The following URI1 variants were observed in gnomAD, a reference collection of about 807,000 sequenced individuals.
URI1 encodes unconventional prefoldin RPB5 interactor 1.
URI1 carries 39 observed loss-of-function variants against 60.2 expected under a neutral mutation model. The observed-to-expected ratio is 0.65, with a 90% confidence interval of 0.50 to 0.85. The LOEUF (loss-of-function observed/expected upper bound fraction) is 0.85, where lower values mean the gene tolerates loss of function less well. Ranked by LOEUF, URI1 falls within the 40% of genes least tolerant of loss-of-function variation. The pLI is 0.00. For missense variants in URI1, 691 were observed against 665.9 expected, an observed-to-expected ratio of 1.04 and a Z score of -0.42; for synonymous variants, 251 against 236.8, an observed-to-expected ratio of 1.06 and a Z score of -0.55.
chr19:29,935,636 T>C (rs1295751831), intron 1 of URI1, among the ~76,000 whole-genome samples: 2 of 151,750 alleles, frequency 1.3e-5, no homozygotes, highest in Non-Finnish European at 2.9e-5. Flanking sequence ...TATCTGAAAA[T>C]GTCTTAATTT....
upstream of URI1, chr19:29,937,824 T>G (rs532621110): frequency 6.6e-6 from 1 of 152,302 alleles, no homozygotes; most frequent in South Asian, 2.1e-4. Context: ...AGGGTCATCT[T>G]GCCCACCTTG....
upstream of URI1, chr19:29,942,126 C>A (rs1462682277): frequency 2.2e-5 from 17 of 784,238 alleles, no homozygotes; most frequent in Non-Finnish European, 2.6e-5. Flanking sequence ...CCGCCAGCCC[C>A]AGCCACGCGG....
At chr19:30,005,226 A>G in intron 4 of URI1, 135 bp from the exon 5 acceptor site, 1 of 555,784 alleles carries the variant, frequency 1.8e-6, no homozygotes. Flanking sequence ...GTCCATTTAA[A>G]AGGAAAATAG....
intron 7 of URI1, among the ~76,000 whole-genome samples, chr19:30,008,012 CTCTA>C (rs1214534748): frequency 1.3e-5 from 2 of 151,944 alleles, no homozygotes; most frequent in Admixed American, 6.6e-5. Flanking sequence ...CAGGATAGTG[CTCTA>C]TCTTTGAATG....
At chr19:29,991,424 A>G (rs1035019861) in intron 4 of URI1, among the ~76,000 whole-genome samples, 3 of 152,200 alleles carry the variant, frequency 2.0e-5, no homozygotes, top group Non-Finnish European at 4.4e-5. Flanking sequence ...ATATAGAAAT[A>G]ACTCTTTTTA....
intron 1 of URI1, among the ~76,000 whole-genome samples, chr19:29,929,090 T>G (rs187579790): frequency 6.6e-6 from 1 of 152,316 alleles, no homozygotes; most frequent in Non-Finnish European, 1.5e-5. Context: ...CTATGAATAT[T>G]TGCATAGAGG....
intron 1 of URI1, among the ~76,000 whole-genome samples, chr19:29,948,330 AC>A (rs1485701085): frequency 6.6e-6 from 1 of 152,114 alleles, no homozygotes; most frequent in Non-Finnish European, 1.5e-5. Flanking sequence ...CAACTTTTAA[AC>A]ATTTACCATT....
intron 1 of URI1, among the ~76,000 whole-genome samples, chr19:29,936,095 A>C (rs1190484171): frequency 2.0e-5 from 3 of 148,554 alleles, no homozygotes; most frequent in Non-Finnish European, 4.5e-5. Context: ...ACTTAAAAAA[A>C]ATTTTTTTTT....
At position 30,009,060 on chromosome 19, in the gene URI1, A is replaced by G; in HGVS notation, c.742A>G (p.Lys248Glu). 1.2e-6 allele frequency: 2 copies of G among 1,613,894 alleles called. No individual in the cohort carries two copies. The highest frequency in any genetic ancestry group is 4.5e-5 in the East Asian group (2 of 44,856). The change falls in exon 8 of 11, where the codon AAG becomes GAG. Residue 248 changes from lysine to glutamate, a missense_variant. Coordinates refer to ENST00000392271, the MANE Select transcript of URI1 (RefSeq NM_003796.3). ...AGATACGACATCTTCTGAAGAGGAA[A>G]AGGAAGATCGTAACACAAATGTGAA... is the stretch of plus-strand genomic sequence containing the variant. ...GEDTTSSEEE[K>E]EDRNTNVNAM...
chr19:29,942,150 C>A, upstream of URI1: 2 of 940,876 alleles, frequency 2.1e-6, no homozygotes, highest in Non-Finnish European at 2.5e-6. Context: ...GCATCAAGCG[C>A]ACTCCCCTGG....
At chr19:29,948,918 G>A (rs1471691922) in intron 1 of URI1, among the ~76,000 whole-genome samples, 4 of 151,260 alleles carry the variant, frequency 2.6e-5, no homozygotes, top group African/African-American at 4.9e-5. Context: ...GGGGCGGCCG[G>A]GCAGAGGCAC....
intron 4 of URI1, among the ~76,000 whole-genome samples, chr19:29,992,914 A>G (rs552864456): frequency 1.3e-5 from 2 of 152,346 alleles, no homozygotes; most frequent in South Asian, 2.1e-4. Context: ...GGCTGTGACA[A>G]CAGGCATTTG....
At chr19:29,944,140 CATATATATATATATAT>C (rs56329506) in intron 1 of URI1, among the ~76,000 whole-genome samples, 652 of 37,110 alleles carry the variant, frequency 0.018, 31 homozygotes, top group South Asian at 0.042. Flanking sequence ...CCCTGTCATT[CATATATATATATATAT>C]ATATATATAT....
chr19:30,006,113 A>G (rs1027042085), intron 6 of URI1, among the ~76,000 whole-genome samples: 69 of 152,192 alleles, frequency 4.5e-4, no homozygotes, highest in Non-Finnish European at 3.8e-4. Flanking sequence ...GGAAGAATGA[A>G]TGAATGTGGG....
intron 3 of URI1, 52 bp downstream of exon 3, chr19:29,985,353 T>C: frequency 6.9e-7 from 1 of 1,458,164 alleles, no homozygotes; most frequent in Non-Finnish European, 9.6e-7. Context: ...GTAAACATAT[T>C]AACTATGTGT....
Position 30,015,005 on chromosome 19 carries a change from C to T in URI1, c.1544C>T (p.Ala515Val). ...IPERKEVLLE[A>V]SEETGKRVSK... ...GAACGAAAGGAAGTTCTGTTGGAAG[C>T]ATCTGAAGAAACTGGAAAGAGGGTT... Residue 515 changes from alanine (A) to valine (V), a missense_variant, in exon 11 of 11, where the codon GCA becomes GTA. Physicochemically the swap from Ala to Val is moderately conservative, Grantham distance 64. Coordinates refer to ENST00000392271, the MANE Select transcript of URI1 (RefSeq NM_003796.3). 6.2e-7 allele frequency: 1 copy of T among 1,613,826 alleles called. No homozygotes were observed. Among genetic ancestry groups the T allele is most frequent in the Non-Finnish European group, 8.5e-7 (1 of 1,179,752 alleles).
At position 30,016,490 on chromosome 19, in the gene URI1, A is replaced by G. The variant is rs1345294078; in HGVS notation, c.*1421A>G. 1 of 152,150 alleles carries G rather than the reference A, an allele frequency of 6.6e-6. No individual in the cohort carries two copies. The highest frequency in any genetic ancestry group is 2.4e-5 in the African/African-American group (1 of 41,450). The allele number at this position is 152,150 out of a possible 1,614,324, so 9.4% of individuals were successfully genotyped here. A position where few individuals can be genotyped will look rare whatever the true frequency, so the allele number is the denominator to read the frequency against. ...GCTCCCGTTAGGAATTGCTATTCAC[A>G]TGAGGCTTTCTGTGCTAGATTTTTT... On this transcript the variant is annotated 3_prime_UTR_variant, in exon 11 of 11. Transcript: ENST00000392271.
At chr19:29,969,406 G>A (rs1399699956) in intron 1 of URI1, among the ~76,000 whole-genome samples, 1 of 152,108 alleles carries the variant, frequency 6.6e-6, no homozygotes, top group Non-Finnish European at 1.5e-5. Context: ...TGCCAAATTT[G>A]CATATTTACT....
rs368818442 is a variant in URI1 at position 30,005,718 on chromosome 19, A to G, written c.517+10A>G. The G allele has an allele frequency of 6.2e-7, 1 of 1,608,208 alleles. No individual in the cohort carries two copies. The highest frequency in any genetic ancestry group is 1.3e-5 in the African/African-American group (1 of 74,624). On this transcript the variant is annotated intron_variant, in intron 6 of 10. Transcript: ENST00000392271. ...GACTTCGAATTTAAAGGTAAGCAGT[A>G]AGATTGTTTTATGTGTAGCTGTTTA... is the stretch of plus-strand genomic sequence containing the variant.
Sources: gnomAD v4.1 joint callset for allele counts (sites outside exome capture counted in the v4.1 genomes callset) on GRCh38, gnomAD v4.1.1 for gene constraint, MANE v1.5 for transcripts, NCBI Gene and HGNC (gene_info 2026-07-23, HGNC 2026-07-21) for gene names.